Variants in HACL1 observed in about 807,000 individuals in gnomAD.
HACL1 encodes the protein 2-hydroxyacyl-CoA lyase 1, also known as 1600020H07Rik.
In HACL1, 64 loss-of-function variants were observed where a neutral mutation model predicts 74.2. That is an observed-to-expected ratio of 0.86 (90% confidence interval 0.70 to 1.06). The LOEUF is 1.06. Among genes scored for constraint, HACL1 ranks in the 50% least tolerant of loss-of-function variants. The pLI, the probability that HACL1 is intolerant of heterozygous loss-of-function variation, is 0.00. For synonymous variants in HACL1, 230 were observed against 238.8 expected, an observed-to-expected ratio of 0.96 and a Z score of 0.34; for missense variants, 728 against 719.7, an observed-to-expected ratio of 1.01 and a Z score of -0.13.
At chr3:15,591,712 G>C in intron 3 of HACL1, 32 bp from the exon 4 acceptor site, 9 of 1,427,996 alleles carry the variant, frequency 6.3e-6, no homozygotes, top group Non-Finnish European at 8.8e-6. Context: ...TTAAAATCAG[G>C]TCAAATGTAA....
intron 9 of HACL1, among the ~76,000 whole-genome samples, chr3:15,578,965 T>C (rs552127692): frequency 6.7e-4 from 102 of 152,334 alleles, no homozygotes; most frequent in Non-Finnish European, 1.1e-3. Context: ...AACCAGTACA[T>C]GTCTGGGGCT....
intron 5 of HACL1, among the ~76,000 whole-genome samples, chr3:15,588,946 T>A (rs1434563023): frequency 2.0e-5 from 3 of 152,304 alleles, no homozygotes; most frequent in African/African-American, 4.8e-5. Context: ...TTCCTACATC[T>A]TCTTGACTCC....
chr3:15,582,344 A>T (rs1299809324), intron 8 of HACL1, among the ~76,000 whole-genome samples: 1 of 152,188 alleles, frequency 6.6e-6, no homozygotes, highest in East Asian at 1.9e-4. Flanking sequence ...AGGCACAAAC[A>T]TGTCTGCCAC....
intron 12 of HACL1, among the ~76,000 whole-genome samples, chr3:15,570,810 A>G (rs1429545126): frequency 6.6e-6 from 1 of 152,118 alleles, no homozygotes; most frequent in Non-Finnish European, 1.5e-5. Context: ...AATTTCCAGC[A>G]GTGATAAAAA....
At chr3:15,591,490 G>A (rs555821809) in intron 4 of HACL1, 110 bp downstream of exon 4, 12 of 565,940 alleles carry the variant, frequency 2.1e-5, no homozygotes, top group African/African-American at 1.3e-4. Context: ...AGAATTGAAG[G>A]GGTTTTTTTT....
chr3:15,578,119 C>T (rs1206731150), intron 9 of HACL1, among the ~76,000 whole-genome samples: 1 of 139,216 alleles, frequency 7.2e-6, no homozygotes, highest in Non-Finnish European at 1.6e-5. Flanking sequence ...AAAAAAAAAA[C>T]CAAAAACCCT....
intron 2 of HACL1, among the ~76,000 whole-genome samples, chr3:15,600,480 T>A (rs1428511981): frequency 6.6e-6 from 1 of 152,244 alleles, no homozygotes; most frequent in Non-Finnish European, 1.5e-5. Context: ...ATCTTCCTTA[T>A]CCTGCTTCCA....
At chr3:15,578,783 T>C (rs1192814279) in intron 9 of HACL1, among the ~76,000 whole-genome samples, 1 of 151,992 alleles carries the variant, frequency 6.6e-6, no homozygotes, top group African/African-American at 2.4e-5. Flanking sequence ...GTCTGAAGAG[T>C]ATGGGGACAA....
chr3:15,596,516 T>G, intron 2 of HACL1, 92 bp from the exon 3 acceptor site: 3 of 757,886 alleles, frequency 4.0e-6, no homozygotes, highest in East Asian at 2.5e-5. Flanking sequence ...GACAAGAACA[T>G]AGTGGTAAAG....
At chr3:15,584,719 C>A (rs888886891) in intron 7 of HACL1, among the ~76,000 whole-genome samples, 7 of 152,188 alleles carry the variant, frequency 4.6e-5, no homozygotes, top group Admixed American at 3.9e-4. Flanking sequence ...TGCTTTAACC[C>A]TAAGTACCTA....
chr3:15,571,578 G>A (rs1355875249), intron 12 of HACL1, 90 bp downstream of exon 12: 1 of 759,638 alleles, frequency 1.3e-6, no homozygotes, highest in East Asian at 2.5e-5. Flanking sequence ...ACATCAAGGT[G>A]ATTTTTAGGA....
chr3:15,586,299 T>G (rs1317379593), intron 6 of HACL1, among the ~76,000 whole-genome samples: 1 of 152,158 alleles, frequency 6.6e-6, no homozygotes, highest in Admixed American at 6.5e-5. Context: ...TTTTAAAAAC[T>G]AAAACACAGG....
intron 9 of HACL1, among the ~76,000 whole-genome samples, chr3:15,576,452 T>A (rs914439612): frequency 1.4e-4 from 22 of 152,322 alleles, no homozygotes; most frequent in African/African-American, 5.3e-4. Context: ...TATATTTTAA[T>A]ACTTTTGTCA....
intron 3 of HACL1, among the ~76,000 whole-genome samples, chr3:15,593,335 T>A (rs2063991485): frequency 6.6e-6 from 1 of 151,714 alleles, no homozygotes; most frequent in South Asian, 2.1e-4. Context: ...CACCACAGCC[T>A]CCCAAGTAAC....
In HACL1 at chr3:15,599,400, G is replaced by T. The variant is rs201635326; in HGVS notation, c.186+1690C>A. On this transcript the variant is annotated intron_variant, in intron 2 of 16. Coordinates refer to ENST00000321169, the MANE Select transcript of HACL1 (RefSeq NM_012260.4). ...TCCTGCCTCAGCCCCCTTCGTAGCT[G>T]GGATTACTGGCATGTACAACCATGC... 3.9e-5 allele frequency among the ~76,000 whole-genome samples: 6 copies of T among 152,192 alleles called. No homozygotes were observed. The East Asian group carries it at 1.2e-3, about 29-fold the overall frequency.
At position 15,563,437 on chromosome 3, in the gene HACL1, A is replaced by G. The variant is rs1559545205; in HGVS notation, c.1625T>C (p.Leu542Pro). 6 of 1,613,094 alleles carry G rather than the reference A, an allele frequency of 3.7e-6. No individual in the cohort carries two copies. Among genetic ancestry groups the G allele is most frequent in the Non-Finnish European group, 5.1e-6 (6 of 1,179,046 alleles). The change falls in exon 16 of 17, where the codon CTG (leucine) becomes CCG (proline). Residue 542 changes from leucine (L) to proline (P), a missense_variant. By Grantham distance (98) the Leu-to-Pro change is moderately conservative. Transcript: ENST00000321169. ...VQTPEELQKSLRQSLADTTKP... is the reference protein window; with the variant it reads ...VQTPEELQKSPRQSLADTTKP... Reference sequence around the variant, plus strand: ...AGTTGTGTCTGCTAGGCTCTGCCTCAGGGATTTTTGGAGTTCTTCTGGTGT... The same window carrying G: ...AGTTGTGTCTGCTAGGCTCTGCCTCGGGGATTTTTGGAGTTCTTCTGGTGT...
intron 2 of HACL1, 67 bp downstream of exon 2, chr3:15,601,023 A>C (rs1366292037): frequency 5.4e-6 from 5 of 930,078 alleles, no homozygotes; most frequent in Non-Finnish European, 9.0e-6. Flanking sequence ...GGGTGTTTGC[A>C]ATGCATACCT....
intron 14 of HACL1, 31 bp from the exon 15 acceptor site, chr3:15,564,689 A>G (rs1392195992): frequency 1.2e-6 from 1 of 864,536 alleles, no homozygotes; most frequent in Non-Finnish European, 1.9e-6. Flanking sequence ...GAAGGAAATC[A>G]TTCTTCATTT....
Position 15,591,583 on chromosome 3 carries a change from A to G in HACL1, c.308+17T>C, listed in dbSNP as rs2125277417. The G allele has an allele frequency of 6.9e-7, 1 of 1,455,620 alleles. No individual in the cohort carries two copies. Among genetic ancestry groups the G allele is most frequent in the African/African-American group, 1.4e-5 (1 of 72,036 alleles). 90.2% of individuals were successfully genotyped at this position (1,455,620 alleles called of 1,614,324 possible). The stretch of plus-strand genomic sequence containing the variant: ...ACCTTTTTAAGAAAATGTTTTCAGT[A>G]ATAATAATGTCATTACCAGCAGTTC... On this transcript the variant is annotated intron_variant, in intron 4 of 16. Coordinates refer to ENST00000321169, the MANE Select transcript of HACL1 (RefSeq NM_012260.4).
Sources: gnomAD v4.1 joint callset for allele counts (sites outside exome capture counted in the v4.1 genomes callset) on GRCh38, gnomAD v4.1.1 for gene constraint, MANE v1.5 for transcripts, NCBI Gene and HGNC (gene_info 2026-07-23, HGNC 2026-07-21) for gene names.